CFAP251: variants seen among roughly 807,000 people sequenced by gnomAD.
CFAP251 encodes the protein cilia and flagella associated protein 251, also known as cilia- and flagella-associated protein 251.
CFAP251 carries 93 observed loss-of-function variants against 126.7 expected under a neutral mutation model. That is an observed-to-expected ratio of 0.73 (90% confidence interval 0.62 to 0.87). CFAP251 has a LOEUF of 0.87. Ranked by LOEUF, CFAP251 falls within the 40% of genes least tolerant of loss-of-function variation. The probability of loss-of-function intolerance (pLI) is 0.00; values close to 1 mark genes in which losing one functional copy is unlikely to be tolerated. For synonymous variants in CFAP251, 503 were observed against 506.9 expected, an observed-to-expected ratio of 0.99 and a Z score of 0.10; for missense variants, 1,287 against 1,389.2, an observed-to-expected ratio of 0.93 and a Z score of 1.17.
chr12:121,996,019 T>G (rs1185274834), intron 19 of CFAP251, among the ~76,000 whole-genome samples: 4 of 152,238 alleles, frequency 2.6e-5, no homozygotes, highest in African/African-American at 9.6e-5. Context: ...TTCTTGATAC[T>G]TGAGGCCAGA....
At chr12:121,940,440 G>C (rs955657354) in intron 5 of CFAP251, among the ~76,000 whole-genome samples, 1 of 152,098 alleles carries the variant, frequency 6.6e-6, no homozygotes, top group South Asian at 2.1e-4. Context: ...CCTCAGCTGG[G>C]ACACAGACTT....
At chr12:121,968,371 G>T (rs1478561245) in intron 17 of CFAP251, among the ~76,000 whole-genome samples, 1 of 152,180 alleles carries the variant, frequency 6.6e-6, no homozygotes, top group African/African-American at 2.4e-5. Context: ...AATGGTGTTT[G>T]CAGTTCAGGC....
intron 19 of CFAP251, chr12:121,999,382 T>C (rs888740744): frequency 4.3e-5 from 7 of 161,304 alleles, no homozygotes; most frequent in African/African-American, 7.2e-5. Flanking sequence ...ATTCTTTTTT[T>C]TTCCCCCCGC....
chr12:121,955,444 C>G (rs1440253804), intron 10 of CFAP251, among the ~76,000 whole-genome samples: 2 of 152,098 alleles, frequency 1.3e-5, no homozygotes, highest in Non-Finnish European at 2.9e-5. Flanking sequence ...GCCTCTATTT[C>G]TTCATCTGTA....
chr12:121,924,232 C>G (rs998958847), intron 3 of CFAP251, among the ~76,000 whole-genome samples: 1 of 151,738 alleles, frequency 6.6e-6, no homozygotes, highest in Admixed American at 6.6e-5. Context: ...GCCTCAGTCT[C>G]CCGAGTAGCT....
chr12:121,976,411 T>G (rs1219354703), intron 19 of CFAP251, among the ~76,000 whole-genome samples: 1 of 152,078 alleles, frequency 6.6e-6, no homozygotes, highest in African/African-American at 2.4e-5. Flanking sequence ...ATTATCCTTG[T>G]TAGTCTCGCT....
chr12:121,939,382 C>G (rs868393480), intron 5 of CFAP251, among the ~76,000 whole-genome samples: 2 of 152,122 alleles, frequency 1.3e-5, no homozygotes, highest in Admixed American at 6.5e-5. Context: ...GCACATCCAA[C>G]TTAACCACAA....
At chr12:121,971,982 T>C (rs117330167) in intron 17 of CFAP251, 10,007 of 249,814 alleles carry the variant, frequency 0.04, 281 homozygotes, top group South Asian at 0.05. Flanking sequence ...GCCACTGCCA[T>C]GTGAGACGTG....
chr12:121,921,214 T>C, intron 1 of CFAP251, 72 bp from the exon 2 acceptor site: 1 of 1,424,626 alleles, frequency 7.0e-7, no homozygotes. Context: ...ATTTCATCAG[T>C]AGGTTAGTGC....
At chr12:121,965,242 A>AT (rs993066859) in intron 15 of CFAP251, among the ~76,000 whole-genome samples, 3 of 152,180 alleles carry the variant, frequency 2.0e-5, no homozygotes, top group Non-Finnish European at 4.4e-5. Flanking sequence ...ACAAGATATC[A>AT]TTTTTTCACC....
chr12:121,925,430 C>T (rs529995610), intron 3 of CFAP251, among the ~76,000 whole-genome samples: 1 of 152,238 alleles, frequency 6.6e-6, no homozygotes, highest in Non-Finnish European at 1.5e-5. Context: ...AATGTAGTTC[C>T]TAAGACATAG....
chr12:121,942,941 G>C lies in CFAP251; in HGVS notation c.1157G>C (p.Cys386Ser). 6.2e-7 allele frequency: 1 copy of C among 1,614,188 alleles called. No individual in the cohort carries two copies. The change falls in exon 7 of 22, where the codon TGC (cysteine) becomes TCC (serine). Residue 386 changes from cysteine (C) to serine (S), a missense_variant. Coordinates refer to ENST00000288912, the MANE Select transcript of CFAP251 (RefSeq NM_144668.6). ...ACTTTGGCAGTGGAAACGCCAGCAT[G>C]CACTCTCGAACTCCCCACAGAGTAC... Reference protein sequence around the residue: ...KWTLAVETPACTLELPTEYGV... With the variant: ...KWTLAVETPASTLELPTEYGV...
chr12:121,932,115 GA>G (rs1218048630), intron 4 of CFAP251: 3 of 333,772 alleles, frequency 9.0e-6, no homozygotes, highest in African/African-American at 6.4e-5. Flanking sequence ...TTTATAGTGA[GA>G]ATTTAAAACA....
intron 19 of CFAP251, among the ~76,000 whole-genome samples, chr12:121,987,054 A>G (rs1275876628): frequency 6.6e-6 from 1 of 152,204 alleles, no homozygotes; most frequent in Non-Finnish European, 1.5e-5. Flanking sequence ...GTCTGTAGCC[A>G]AGTGGTTCAG....
chr12:121,956,797 C>T lies in CFAP251; in HGVS notation c.1536-277C>T, dbSNP rs78237877. On this transcript the variant is annotated intron_variant, in intron 10 of 21. Transcript: ENST00000288912. Reference sequence around the variant, plus strand: ...AGACATGAGCCACCACACCCAGCTACACTAAATTTTTTTAATGCAAATTTT... The same window carrying T: ...AGACATGAGCCACCACACCCAGCTATACTAAATTTTTTTAATGCAAATTTT... Among the ~76,000 whole-genome samples, 197 of 152,190 alleles carry T rather than the reference C, an allele frequency of 1.3e-3. 6 individuals are homozygous for T. In the East Asian group the frequency reaches 0.036, roughly 28 times the overall value.
chr12:121,938,941 C>T (rs1025404774), intron 5 of CFAP251, among the ~76,000 whole-genome samples: 1 of 151,552 alleles, frequency 6.6e-6, no homozygotes, highest in Non-Finnish European at 1.5e-5. Flanking sequence ...GAGCTGAGAT[C>T]GTGCCATTGC....
At chr12:121,959,213 G>C in intron 13 of CFAP251, 119 bp downstream of exon 13, 1 of 1,051,026 alleles carries the variant, frequency 9.5e-7, no homozygotes. Flanking sequence ...GAGGTGGGAG[G>C]ATCATTGGAG....
intron 2 of CFAP251, 118 bp from the exon 3 acceptor site, chr12:121,923,504 A>G: frequency 3.0e-6 from 4 of 1,344,918 alleles, no homozygotes; most frequent in Non-Finnish European, 4.0e-6. Flanking sequence ...CTTTTAAAAA[A>G]CATTTCATAA....
intron 19 of CFAP251, among the ~76,000 whole-genome samples, chr12:121,979,990 C>T (rs989837652): frequency 2.0e-5 from 3 of 152,230 alleles, no homozygotes; most frequent in Non-Finnish European, 2.9e-5. Flanking sequence ...TCATCCATGT[C>T]GCTGGGAAGG....
Sources: allele counts gnomAD v4.1 joint callset (sites outside exome capture counted in the v4.1 genomes callset), GRCh38; gene constraint gnomAD v4.1.1; transcripts MANE v1.5; gene names NCBI Gene and HGNC (gene_info 2026-07-23, HGNC 2026-07-21).